CASKIN2: variants seen among roughly 807,000 people sequenced by gnomAD.
CASKIN2 encodes the protein CASK interacting protein 2, also known as caskin-2.
A neutral mutation model predicts 107.1 loss-of-function variants in CASKIN2; 41 were observed. The observed-to-expected ratio is 0.38, with a 90% CI of 0.30 to 0.50. The LOEUF is 0.50. CASKIN2 is among the 20% of genes least tolerant of loss of function. The pLI is 0.92. For synonymous variants in CASKIN2, 724 were observed against 705.6 expected, an observed-to-expected ratio of 1.03 and a Z score of -0.41; for missense variants, 1,546 against 1,657.4, an observed-to-expected ratio of 0.93 and a Z score of 1.17.
At position 75,513,917 on chromosome 17, in the gene CASKIN2, C is replaced by T. The variant is rs1034852872; in HGVS notation, c.-113G>A. 3.9e-5 allele frequency: 35 copies of T among 906,616 alleles called. No homozygotes were observed. The highest frequency in any genetic ancestry group is 5.2e-5 in the Non-Finnish European group (30 of 580,352). 56.2% of individuals were successfully genotyped at this position (906,616 alleles called of 1,614,324 possible). On this transcript the variant is annotated 5_prime_UTR_variant, in exon 2 of 20. Coordinates refer to ENST00000321617, the MANE Select transcript of CASKIN2 (RefSeq NM_020753.5). ...CAGCCCCTTGGAGGGCTCCCGGTTC[C>T]GGGGGAGCAAGTCAGGTGTCCCAGG...
At position 75,504,649 on chromosome 17, in the gene CASKIN2, TGCTGCCCAC is replaced by T; in HGVS notation, c.1228_1236del (p.Val410_Ser412del). ...CTCTGCCCGCTGCCGGCACTGCGGA[TGCTGCCCAC>T]GCTGCCCTCACTGCCCACACTATTC... is the stretch of plus-strand genomic sequence containing the variant. On this transcript the variant is annotated inframe_deletion, in exon 12 of 20. Transcript: ENST00000321617. The T allele has an allele frequency of 6.2e-7, 1 of 1,606,948 alleles. No homozygotes were observed.
In CASKIN2 at chr17:75,502,957, C is replaced by T. The variant is rs753444405; in HGVS notation, c.2117G>A (p.Arg706Gln). The T allele has an allele frequency of 1.1e-5, 17 of 1,588,898 alleles. No individual in the cohort carries two copies. The highest frequency in any genetic ancestry group is 8.1e-5 in the African/African-American group (6 of 74,464). ...CTGTTCCTGTGAGTGGCCAGACCCCCGTGAGCGTGCCCCGATGCTCTCCTG... is the reference window on the plus strand; with the variant it reads ...CTGTTCCTGTGAGTGGCCAGACCCCTGTGAGCGTGCCCCGATGCTCTCCTG... ...PSQESIGARS[R>Q]GSGHSQEQPA... Residue 706 changes from arginine to glutamine, a missense_variant, in exon 18 of 20, where the codon CGG (arginine) becomes CAG (glutamine). Physicochemically the swap from Arg to Gln is conservative, Grantham distance 43. Coordinates refer to ENST00000321617, the MANE Select transcript of CASKIN2 (RefSeq NM_020753.5). The surrounding 1 kb of genome is among the most constrained non-coding windows in gnomAD (Gnocchi z 4.3).
chr17:75,501,837 C>T lies in CASKIN2; in HGVS notation c.3237G>A (p.Trp1079Ter). 1 of 1,557,204 alleles carries T rather than the reference C, an allele frequency of 6.4e-7. No individual in the cohort carries two copies. Among genetic ancestry groups the T allele is most frequent in the Non-Finnish European group, 8.7e-7 (1 of 1,153,786 alleles). ...CGGCCGGGGGTTCTGTCTCCCCATTCCACCGACTAGCTGCTGAGCTTTCCA... is the reference window on the plus strand; with the variant it reads ...CGGCCGGGGGTTCTGTCTCCCCATTTCACCGACTAGCTGCTGAGCTTTCCA... ...PGLESSAASR[W>*]NGETEPPAAP... The change falls in exon 18 of 20, where the codon TGG becomes TGA. Residue 1079 changes from tryptophan to a stop codon, truncating the protein, a stop_gained. Coordinates refer to ENST00000321617, the MANE Select transcript of CASKIN2 (RefSeq NM_020753.5). LOFTEE classifies it high-confidence loss of function.
rs768142973 is a variant in CASKIN2 at position 75,503,882 on chromosome 17, A to G, written c.1548T>C (p.Asp516=). 1.2e-6 allele frequency: 2 copies of G among 1,612,674 alleles called. No homozygotes were observed. The highest frequency in any genetic ancestry group is 2.2e-5 in the South Asian group (2 of 91,040). Residue 516 remains aspartate, a synonymous_variant, in exon 15 of 20, where the codon GAT becomes GAC. Coordinates refer to ENST00000321617, the MANE Select transcript of CASKIN2 (RefSeq NM_020753.5). ...YTAHFLQAGY[D]VPTISRMTPE... ...GTGTCATGCGGCTGATGGTAGGCACATCATAGCCGGCCTGCAGAAAGTGGG... is the reference window on the plus strand; with the variant it reads ...GTGTCATGCGGCTGATGGTAGGCACGTCATAGCCGGCCTGCAGAAAGTGGG...
At chr17:75,503,811 C>A (rs763954752) in intron 15 of CASKIN2, 41 bp downstream of exon 15, 6 of 1,609,966 alleles carry the variant, frequency 3.7e-6, no homozygotes, top group Middle Eastern at 3.3e-4. Context: ...GCTGGGCCCT[C>A]CCCCGCCCGC....
In CASKIN2 at chr17:75,505,484, A is replaced by C; in HGVS notation, c.930+73T>G. ...AGAGACCTCAGAGCAGAACGTGGTA[A>C]CATAGCAGGTGCCCAAATAAGTAAC... On this transcript the variant is annotated intron_variant, in intron 10 of 19. Coordinates refer to ENST00000321617, the MANE Select transcript of CASKIN2 (RefSeq NM_020753.5). The surrounding 1 kb of genome is among the most constrained non-coding windows in gnomAD (Gnocchi z 5.1). 3.6e-6 allele frequency: 5 copies of C among 1,401,230 alleles called. No homozygotes were observed. Among genetic ancestry groups the C allele is most frequent in the Non-Finnish European group, 5.1e-6 (5 of 987,572 alleles). 86.8% of individuals were successfully genotyped at this position (1,401,230 alleles called of 1,614,324 possible).
intron 2 of CASKIN2, among the ~76,000 whole-genome samples, chr17:75,512,333 A>G (rs1277994756): frequency 3.3e-5 from 5 of 152,188 alleles, no homozygotes; most frequent in Non-Finnish European, 5.9e-5. Context: ...TGACAAGTCC[A>G]GCGGCCTCCT....
chr17:75,507,821 G>T (rs111868398), intron 3 of CASKIN2, 140 bp from the exon 4 acceptor site: 1 of 646,792 alleles, frequency 1.5e-6, no homozygotes, highest in African/African-American at 1.8e-5. Context: ...CCTGCCGTGG[G>T]AGCGCAGTGG....
chr17:75,502,495 G>A lies in CASKIN2; in HGVS notation c.2579C>T (p.Ala860Val). ...ARGTPRSQSF[A>V]LRARRKGPPP... is the part of the protein sequence containing the mutation. The stretch of plus-strand genomic sequence containing the variant: ...GGGGCCTTTGCGCCGGGCCCGCAGG[G>A]CAAAGGACTGGCTGCGAGGAGTCCC... The change falls in exon 18 of 20, where the codon GCC becomes GTC. Residue 860 changes from alanine (A) to valine (V), a missense_variant. Physicochemically the swap from Ala to Val is moderately conservative, Grantham distance 64. This residue lies in a region of CASKIN2 where 1,311 missense variants were observed against 1,311.0 expected (regional missense o/e 1.00). Coordinates refer to ENST00000321617, the MANE Select transcript of CASKIN2 (RefSeq NM_020753.5). The surrounding 1 kb of genome is among the most constrained non-coding windows in gnomAD (Gnocchi z 4.3). 3 of 1,463,196 alleles carry A rather than the reference G, an allele frequency of 2.1e-6. No individual in the cohort carries two copies. The highest frequency in any genetic ancestry group is 1.8e-6 in the Non-Finnish European group (2 of 1,103,056). 90.6% of individuals were successfully genotyped at this position (1,463,196 alleles called of 1,614,324 possible). A position where few individuals can be genotyped will look rare whatever the true frequency, so the allele number is the denominator to read the frequency against.
Position 75,501,677 on chromosome 17 carries a change from C to T in CASKIN2, c.3309G>A (p.Lys1103=), listed in dbSNP as rs1437298462. 6.4e-7 allele frequency: 1 copy of T among 1,573,284 alleles called. No homozygotes were observed. Among genetic ancestry groups the T allele is most frequent in the Non-Finnish European group, 8.6e-7 (1 of 1,158,862 alleles). ...GCTGGGTGCAGGCCACCGACACAGG[C>T]TTGGGGGCTGTTCCTGCAGAGACAA... ...LKVPGAGTAP[K]PVSVACTQLA... The change falls in exon 19 of 20, where the codon AAG becomes AAA. Residue 1103 remains lysine, a synonymous_variant. Transcript: ENST00000321617.
chr17:75,504,098 C>G (rs954330605), intron 14 of CASKIN2, 117 bp downstream of exon 14: 2 of 1,136,590 alleles, frequency 1.8e-6, no homozygotes, highest in Non-Finnish European at 1.3e-6. Context: ...CTACCCACCC[C>G]GAGGCCCACA....
chr17:75,508,242 A>G lies in CASKIN2; in HGVS notation c.138T>C (p.Asp46=). ...STKRLNVNYQ[D]ADGFSALHHA... ...CAGGGGCTCCCACTCACCCATCAGC[A>G]TCCTGGTAGTTCACGTTGAGCCTCT... The change falls in exon 3 of 20, where the codon GAT becomes GAC. Residue 46 remains aspartate, a synonymous_variant. Coordinates refer to ENST00000321617, the MANE Select transcript of CASKIN2 (RefSeq NM_020753.5). 3 of 1,613,844 alleles carry G rather than the reference A, an allele frequency of 1.9e-6. No homozygotes were observed. Among genetic ancestry groups the G allele is most frequent in the Non-Finnish European group, 2.5e-6 (3 of 1,179,898 alleles).
chr17:75,511,115 C>T (rs1192155955), intron 2 of CASKIN2, among the ~76,000 whole-genome samples: 1 of 139,056 alleles, frequency 7.2e-6, no homozygotes, highest in African/African-American at 2.7e-5. Context: ...GGCTGGAGTG[C>T]AGTGGTACAA....
intron 19 of CASKIN2, 56 bp downstream of exon 19, chr17:75,501,412 G>T: frequency 6.6e-7 from 1 of 1,526,632 alleles, no homozygotes; most frequent in Non-Finnish European, 9.0e-7. Flanking sequence ...GGCAGAGGAT[G>T]CAGGGAGCAC....
chr17:75,509,570 G>A (rs72851937), intron 2 of CASKIN2: 95,810 of 985,024 alleles, frequency 0.097, 4,859 homozygotes, highest in African/African-American at 0.11. Flanking sequence ...GTGGCCACTG[G>A]GAAGAAACAC....
At position 75,503,934 on chromosome 17, in the gene CASKIN2, C is replaced by T; in HGVS notation, c.1496G>A (p.Ser499Asn). ...AGTGTAGCCCTCCAGCTGGAACTCG[C>T]TTAGCCAGTTATGAATGGCCTGCGC... ...KDAQAIHNWLSEFQLEGYTAH... is the reference protein window; with the variant it reads ...KDAQAIHNWLNEFQLEGYTAH... Residue 499 changes from serine (S) to asparagine (N), a missense_variant, in exon 15 of 20, where the codon AGC (serine) becomes AAC (asparagine). This residue lies in a region of CASKIN2 where 1,311 missense variants were observed against 1,311.0 expected (regional missense o/e 1.00). Transcript: ENST00000321617. 1.2e-6 allele frequency: 2 copies of T among 1,612,698 alleles called. No individual in the cohort carries two copies. Among genetic ancestry groups the T allele is most frequent in the Non-Finnish European group, 1.7e-6 (2 of 1,179,896 alleles).
At position 75,504,428 on chromosome 17, in the gene CASKIN2, G is replaced by T. The variant is rs772178223; in HGVS notation, c.1367C>A (p.Ser456Tyr). 32 of 1,606,862 alleles carry T rather than the reference G, an allele frequency of 2.0e-5. No homozygotes were observed. The South Asian group carries it at 3.3e-4, about 17-fold the overall frequency. ...DQVLPGLHPP[S>Y]LADNLSHRPL... Reference sequence around the variant, plus strand: ...CCCCTGACCCTTCCTACCTGCCAGGGACGGCGGGTGGAGTCCTGGCAGCAC... The same window carrying T: ...CCCCTGACCCTTCCTACCTGCCAGGTACGGCGGGTGGAGTCCTGGCAGCAC... Residue 456 changes from serine to tyrosine, a missense_variant, in exon 13 of 20, where the codon TCC becomes TAC. This residue lies in a region of CASKIN2 where 1,311 missense variants were observed against 1,311.0 expected (regional missense o/e 1.00). Transcript: ENST00000321617.
At chr17:75,510,164 C>T (rs1171142351) in intron 2 of CASKIN2, among the ~76,000 whole-genome samples, 1 of 152,200 alleles carries the variant, frequency 6.6e-6, no homozygotes, top group African/African-American at 2.4e-5. Context: ...CAGCACACCC[C>T]ATTTCCTCTG....
chr17:75,510,328 T>C (rs2053306146), intron 2 of CASKIN2, among the ~76,000 whole-genome samples: 1 of 152,154 alleles, frequency 6.6e-6, no homozygotes, highest in Non-Finnish European at 1.5e-5. Context: ...TGCAGGAGGC[T>C]GAGGGAGCAT....
Sources: allele counts gnomAD v4.1 joint callset (sites outside exome capture counted in the v4.1 genomes callset), GRCh38; gene constraint gnomAD v4.1.1; regional missense constraint gnomAD v4.1.1; non-coding constraint Gnocchi (gnomAD v3.1); transcripts MANE v1.5; gene names NCBI Gene and HGNC (gene_info 2026-07-23, HGNC 2026-07-21).